Variants in KCNJ3 observed in about 807,000 individuals in gnomAD.
KCNJ3 encodes G protein-activated inward rectifier potassium channel 1.
A neutral mutation model predicts 39.2 loss-of-function variants in KCNJ3; 4 were observed. The ratio of observed to expected loss-of-function variants is 0.10; its 90% CI spans 0.05 to 0.23. KCNJ3 has a LOEUF of 0.23. KCNJ3 is among the 10% of genes least tolerant of loss of function. The probability of loss-of-function intolerance (pLI) is 1.00; values close to 1 mark genes in which losing one functional copy is unlikely to be tolerated. For synonymous variants in KCNJ3, 230 were observed against 237.4 expected (o/e 0.97, Z 0.29); for missense variants, 276 against 634.9 (o/e 0.43, Z 6.08).
At chr2:154,839,778 G>GTTGT (rs553673597) in intron 2 of KCNJ3, among the ~76,000 whole-genome samples, 1 of 152,062 alleles carries the variant, frequency 6.6e-6, no homozygotes, top group African/African-American at 2.4e-5. Flanking sequence ...TTTTGATGGG[G>GTTGT]TTGTTTGTTT....
At chr2:154,833,135 G>GTCAA (rs1309830603) in intron 2 of KCNJ3, among the ~76,000 whole-genome samples, 7 of 152,248 alleles carry the variant, frequency 4.6e-5, no homozygotes, top group African/African-American at 9.6e-5. Context: ...AAATCTTTAT[G>GTCAA]TCAATCATTT....
At chr2:154,790,218 A>G (rs1292383647) in intron 2 of KCNJ3, among the ~76,000 whole-genome samples, 1 of 152,116 alleles carries the variant, frequency 6.6e-6, no homozygotes, top group Non-Finnish European at 1.5e-5. Flanking sequence ...AGAACTAGAA[A>G]GTTATCCAAG....
chr2:154,737,539 A>T (rs1455427240), intron 2 of KCNJ3, among the ~76,000 whole-genome samples: 1 of 152,198 alleles, frequency 6.6e-6, no homozygotes, highest in Non-Finnish European at 1.5e-5. Context: ...GGACATTAAG[A>T]CAGTTATTAA....
chr2:154,712,982 G>T (rs1186823094), intron 2 of KCNJ3, among the ~76,000 whole-genome samples: 1 of 151,902 alleles, frequency 6.6e-6, no homozygotes, highest in Non-Finnish European at 1.5e-5. Context: ...CCCTGAGCTG[G>T]GAATGAGCTT....
intron 2 of KCNJ3, among the ~76,000 whole-genome samples, chr2:154,769,559 C>T (rs765066586): frequency 1.4e-4 from 21 of 152,138 alleles, no homozygotes; most frequent in Non-Finnish European, 2.5e-4. Flanking sequence ...GTTAGATAAG[C>T]TTTTTGATGT....
At position 154,857,886 on chromosome 2, in the gene KCNJ3, C is replaced by CAAAAAAAAAAAAAAAAAAAAAAA. The variant is rs70983747; in HGVS notation, c.*2592_*2614dup. On this transcript the variant is annotated 3_prime_UTR_variant, in exon 3 of 3. Transcript: ENST00000295101. ...ACAGTGCGAGACTCCATCTCAACATCAAAAAAAAAAAAAAAAAAAAAAAAA... is the reference window on the plus strand; with the variant it reads ...ACAGTGCGAGACTCCATCTCAACATCAAAAAAAAAAAAAAAAAAAAAAAAAAAAAAAAAAAAAAAAAAAAAAAA... 5 of 41,976 alleles carry CAAAAAAAAAAAAAAAAAAAAAAA rather than the reference C, an allele frequency of 1.2e-4. No individual in the cohort carries two copies. The highest frequency in any genetic ancestry group is 1.6e-4 in the Non-Finnish European group (4 of 24,262). 2.6% of individuals were successfully genotyped at this position (41,976 alleles called of 1,614,324 possible).
intron 2 of KCNJ3, among the ~76,000 whole-genome samples, chr2:154,836,220 A>AAAAAC: frequency 1.4e-5 from 1 of 69,372 alleles, no homozygotes; most frequent in Non-Finnish European, 3.6e-5. Flanking sequence ...AAAAAAAAAC[A>AAAAAC]AAAAAAAACA....
intron 2 of KCNJ3, among the ~76,000 whole-genome samples, chr2:154,811,588 G>A (rs1044978845): frequency 2.6e-5 from 4 of 152,180 alleles, no homozygotes; most frequent in African/African-American, 7.2e-5. Flanking sequence ...CACTGTGCCC[G>A]GCCCAATCTA....
intron 2 of KCNJ3, among the ~76,000 whole-genome samples, chr2:154,710,589 T>G (rs924295682): frequency 1.3e-5 from 2 of 152,074 alleles, no homozygotes; most frequent in Admixed American, 1.3e-4. Flanking sequence ...AGATTAATAA[T>G]GTAGTTTCCA....
chr2:154,738,605 A>G (rs149378442), intron 2 of KCNJ3, among the ~76,000 whole-genome samples: 309 of 152,198 alleles, frequency 2.0e-3, no homozygotes, highest in African/African-American at 7.0e-3. Flanking sequence ...TAAAAATTAA[A>G]TTAGTGTAGA....
At chr2:154,714,616 T>A (rs556864975) in intron 2 of KCNJ3, among the ~76,000 whole-genome samples, 35 of 152,346 alleles carry the variant, frequency 2.3e-4, no homozygotes, top group Non-Finnish European at 4.1e-4. Context: ...TAATTCAAAG[T>A]CACCTTGTCC....
chr2:154,775,325 TA>T (rs899755549), intron 2 of KCNJ3, among the ~76,000 whole-genome samples: 27 of 151,764 alleles, frequency 1.8e-4, no homozygotes, highest in African/African-American at 2.2e-4. Context: ...TGGGTAGAAT[TA>T]AAAAAAAATC....
intron 2 of KCNJ3, among the ~76,000 whole-genome samples, chr2:154,782,860 G>C (rs1309663340): frequency 1.3e-5 from 2 of 152,010 alleles, no homozygotes; most frequent in African/African-American, 4.8e-5. Flanking sequence ...TTTGAGCCAA[G>C]AGCTCTGAAT....
intron 2 of KCNJ3, among the ~76,000 whole-genome samples, chr2:154,800,267 C>A (rs1218519487): frequency 2.0e-5 from 3 of 152,150 alleles, no homozygotes; most frequent in Non-Finnish European, 4.4e-5. Context: ...TTCTGGTTTC[C>A]TCTGCAGGCA....
chr2:154,711,174 G>A (rs1685096545), intron 2 of KCNJ3, among the ~76,000 whole-genome samples: 1 of 151,736 alleles, frequency 6.6e-6, no homozygotes, highest in Admixed American at 6.6e-5. Flanking sequence ...ACTTATAATT[G>A]AAATATCATA....
chr2:154,769,622 A>G (rs2105195108), intron 2 of KCNJ3, among the ~76,000 whole-genome samples: 1 of 152,268 alleles, frequency 6.6e-6, no homozygotes, highest in Middle Eastern at 3.4e-3. Context: ...GTCGATGTTC[A>G]TCAGGGATAT....
intron 2 of KCNJ3, among the ~76,000 whole-genome samples, chr2:154,754,382 T>C (rs1168440157): frequency 6.6e-6 from 1 of 152,182 alleles, no homozygotes; most frequent in Non-Finnish European, 1.5e-5. Context: ...CAAGCGATTC[T>C]CCTGCCTCAG....
At chr2:154,726,360 T>G (rs573860918) in intron 2 of KCNJ3, among the ~76,000 whole-genome samples, 1 of 152,236 alleles carries the variant, frequency 6.6e-6, no homozygotes, top group South Asian at 2.1e-4. Flanking sequence ...CATTAAAAAA[T>G]GCTCAACATA....
intron 1 of KCNJ3, among the ~76,000 whole-genome samples, chr2:154,701,343 T>A (rs1684893146): frequency 6.6e-6 from 1 of 152,126 alleles, no homozygotes; most frequent in African/African-American, 2.4e-5. Flanking sequence ...TAGACATTCT[T>A]TAGTTTTTTA....
Sources: gnomAD v4.1 joint callset for allele counts (sites outside exome capture counted in the v4.1 genomes callset) on GRCh38, gnomAD v4.1.1 for gene constraint, MANE v1.5 for transcripts, NCBI Gene and HGNC (gene_info 2026-07-23, HGNC 2026-07-21) for gene names.